The following TOX variants were observed in gnomAD, a reference collection of about 807,000 sequenced individuals.
The protein encoded by TOX is thymocyte selection-associated high mobility group box protein TOX.
In TOX, 11 loss-of-function variants were observed where a neutral mutation model predicts 53.7. The observed-to-expected ratio is 0.20, with a 90% CI of 0.13 to 0.34. TOX has a LOEUF of 0.34. Ranked by LOEUF, TOX falls within the 10% of genes least tolerant of loss-of-function variation. TOX has a pLI of 1.00. For synonymous variants in TOX, 225 were observed against 245.3 expected, an observed-to-expected ratio of 0.92 and a Z score of 0.77; for missense variants, 570 against 664.6, an observed-to-expected ratio of 0.86 and a Z score of 1.56.
At chr8:59,086,902 T>C (rs183346405) in intron 1 of TOX, among the ~76,000 whole-genome samples, 75 of 152,348 alleles carry the variant, frequency 4.9e-4, no homozygotes, top group Non-Finnish European at 9.4e-4. Context: ...TATGATGCAG[T>C]AAATGGGGAT....
At chr8:59,034,792 G>A (rs1046241154) in intron 1 of TOX, among the ~76,000 whole-genome samples, 1 of 152,140 alleles carries the variant, frequency 6.6e-6, no homozygotes, top group African/African-American at 2.4e-5. Flanking sequence ...ATACCTACAC[G>A]GCTCTCATTA....
intron 5 of TOX, among the ~76,000 whole-genome samples, chr8:58,831,469 G>A (rs2129166293): frequency 6.6e-6 from 1 of 152,168 alleles, no homozygotes; most frequent in African/African-American, 2.4e-5. Context: ...ATGTTGCATT[G>A]GCATAATGAA....
chr8:58,993,256 A>G (rs901803968), intron 1 of TOX, among the ~76,000 whole-genome samples: 1 of 152,222 alleles, frequency 6.6e-6, no homozygotes, highest in African/African-American at 2.4e-5. Context: ...CATAGCAAAT[A>G]TACTGTTTTA....
At chr8:58,845,532 A>T (rs1810706702) in intron 4 of TOX, among the ~76,000 whole-genome samples, 1 of 152,144 alleles carries the variant, frequency 6.6e-6, no homozygotes, top group African/African-American at 2.4e-5. Context: ...TACTTCTTTC[A>T]TTTTACAATT....
chr8:58,824,747 G>C (rs919059476), intron 6 of TOX, among the ~76,000 whole-genome samples: 8 of 152,180 alleles, frequency 5.3e-5, no homozygotes, highest in African/African-American at 1.7e-4. Context: ...CTTGACGAAA[G>C]AGAAAGTTCT....
intron 1 of TOX, among the ~76,000 whole-genome samples, chr8:59,039,771 A>C (rs1456371531): frequency 1.3e-5 from 2 of 152,244 alleles, no homozygotes; most frequent in Non-Finnish European, 2.9e-5. Flanking sequence ...ACCTTCAGAA[A>C]AATATCCAGC....
chr8:58,918,999 G>C (rs1402610044), intron 3 of TOX, among the ~76,000 whole-genome samples: 1 of 147,018 alleles, frequency 6.8e-6, no homozygotes, highest in South Asian at 2.2e-4. Context: ...AACTTACAAG[G>C]GATGTGAAGG....
In TOX at chr8:59,047,203, GTTTTT is replaced by G. The variant is rs10551461; in HGVS notation, c.102+71678_102+71682del. ...TTATTGAACAATTCCACCAAGAATTGTTTTTTTTTTTTTTTTTTTTTTTTTTTTTT... is the reference window on the plus strand; with the variant it reads ...TTATTGAACAATTCCACCAAGAATTGTTTTTTTTTTTTTTTTTTTTTTTTT... On this transcript the variant is annotated intron_variant, in intron 1 of 8. Transcript: ENST00000361421. Among the ~76,000 whole-genome samples, 5 of 44,674 alleles carry G rather than the reference GTTTTT, an allele frequency of 1.1e-4. No homozygotes were observed. The South Asian group carries it at 3.6e-3, about 33-fold the overall frequency. The allele number at this position is 44,674 out of a possible 152,430, so 29.3% of individuals were successfully genotyped here.
intron 3 of TOX, among the ~76,000 whole-genome samples, chr8:58,879,185 A>G (rs576057364): frequency 1.2e-4 from 19 of 152,296 alleles, no homozygotes; most frequent in Admixed American, 9.8e-4. Context: ...AAGGCCTCCA[A>G]TTAGAATCCT....
chr8:59,078,953 C>G (rs1229348011), intron 1 of TOX, among the ~76,000 whole-genome samples: 1 of 152,170 alleles, frequency 6.6e-6, no homozygotes, highest in Admixed American at 6.5e-5. Context: ...ATGTGGTATG[C>G]GTTAGCTAGC....
At chr8:59,104,677 T>C (rs1056879410) in intron 1 of TOX, among the ~76,000 whole-genome samples, 5 of 152,196 alleles carry the variant, frequency 3.3e-5, no homozygotes, top group African/African-American at 1.2e-4. Flanking sequence ...AATAGCCCTA[T>C]TGTATGTGTG....
chr8:59,039,879 ATTAT>A (rs894967325), intron 1 of TOX, among the ~76,000 whole-genome samples: 1 of 152,224 alleles, frequency 6.6e-6, no homozygotes, highest in African/African-American at 2.4e-5. Flanking sequence ...GAAACAACAC[ATTAT>A]TTATTGAATT....
intron 3 of TOX, among the ~76,000 whole-genome samples, chr8:58,869,905 A>C (rs2129169879): frequency 6.6e-6 from 1 of 152,188 alleles, no homozygotes; most frequent in East Asian, 1.9e-4. Context: ...ATAGCAAACC[A>C]GGGGTGGAAA....
intron 3 of TOX, among the ~76,000 whole-genome samples, chr8:58,859,833 A>C (rs949444805): frequency 6.6e-6 from 1 of 152,176 alleles, no homozygotes; most frequent in Admixed American, 6.5e-5. Context: ...ACTGGCTAAA[A>C]ACCATGTCAC....
rs76222106 is a variant in TOX, at chr8:59,094,979, C to T, written c.102+23907G>A. On this transcript the variant is annotated intron_variant, in intron 1 of 8. Transcript: ENST00000361421. ...GGATCCAAAAATAATGATATAAAAA[C>T]GAAGAATAGTATTGGATGCTGTTAT... Among the ~76,000 whole-genome samples the T allele has an allele frequency of 5.3e-3, 800 of 152,246 alleles. 9 individuals are homozygous for T. Among genetic ancestry groups the T allele is most frequent in the African/African-American group, 0.018 (734 of 41,552 alleles).
intron 1 of TOX, among the ~76,000 whole-genome samples, chr8:58,994,059 G>A (rs1396383707): frequency 1.3e-5 from 2 of 152,136 alleles, no homozygotes; most frequent in Non-Finnish European, 2.9e-5. Context: ...AGAGACCTGA[G>A]CCAGGTCTAA....
Position 58,861,817 on chromosome 8 carries a change from A to T in TOX, c.412-10012T>A, listed in dbSNP as rs1332215649. On this transcript the variant is annotated intron_variant, in intron 3 of 8. Transcript: ENST00000361421. ...TATTTTTCCACGGAATGTTAATGGG[A>T]TGCTTGCAAAAATAGAGATGTCAAG... Among the ~76,000 whole-genome samples the T allele has an allele frequency of 2.0e-5, 3 of 152,176 alleles. No homozygotes were observed. In the East Asian group the frequency reaches 5.8e-4, roughly 29 times the overall value.
chr8:58,925,804 C>G (rs1396687140), intron 3 of TOX, among the ~76,000 whole-genome samples: 3 of 152,168 alleles, frequency 2.0e-5, no homozygotes, highest in Non-Finnish European at 4.4e-5. Context: ...TTAAAGTATA[C>G]TGCGCTCTGA....
intron 3 of TOX, among the ~76,000 whole-genome samples, chr8:58,923,683 T>C (rs947818112): frequency 5.9e-5 from 9 of 152,196 alleles, no homozygotes; most frequent in African/African-American, 1.9e-4. Context: ...ACATACCTCA[T>C]TTGTTTTGCT....
Sources: gnomAD v4.1 joint callset for allele counts (sites outside exome capture counted in the v4.1 genomes callset) on GRCh38, gnomAD v4.1.1 for gene constraint, MANE v1.5 for transcripts, NCBI Gene and HGNC (gene_info 2026-07-23, HGNC 2026-07-21) for gene names.